PRKCE: variants seen among roughly 807,000 people sequenced by gnomAD.
The protein encoded by PRKCE is protein kinase C epsilon.
Under a neutral mutation model 85.4 loss-of-function variants are expected in PRKCE, and 16 were observed. The ratio of observed to expected loss-of-function variants is 0.19; its 90% CI spans 0.13 to 0.28. The LOEUF (loss-of-function observed/expected upper bound fraction) is 0.28. Among genes scored for constraint, PRKCE ranks in the 10% least tolerant of loss-of-function variants. The pLI, the probability that PRKCE is intolerant of heterozygous loss-of-function variation, is 1.00. For synonymous variants in PRKCE, 388 were observed against 371.5 expected (o/e 1.04, Z -0.51); for missense variants, 573 against 975.2 (o/e 0.59, Z 5.49).
intron 11 of PRKCE, among the ~76,000 whole-genome samples, chr2:46,101,070 A>G (rs890181659): frequency 3.9e-5 from 6 of 152,044 alleles, no homozygotes; most frequent in Admixed American, 6.6e-5. Flanking sequence ...GGGTTTCACT[A>G]TGTTTGCCAG....
intron 1 of PRKCE, chr2:45,840,604 C>G (rs923015250): frequency 1.1e-4 from 16 of 152,348 alleles, no homozygotes; most frequent in African/African-American, 3.6e-4. Context: ...GCTCGTGGCA[C>G]TCCCTCACTC....
At chr2:46,066,453 A>G (rs1374148611) in intron 10 of PRKCE, among the ~76,000 whole-genome samples, 1 of 152,080 alleles carries the variant, frequency 6.6e-6, no homozygotes, top group African/African-American at 2.4e-5. Flanking sequence ...TGATTTTCCC[A>G]TCTCCAGGGG....
chr2:46,153,412 AACAG>A (rs1676836090), intron 13 of PRKCE, among the ~76,000 whole-genome samples: 1 of 152,220 alleles, frequency 6.6e-6, no homozygotes. Flanking sequence ...TGAATAAATG[AACAG>A]ACAAATGACT....
chr2:45,945,457 A>G (rs897744220), intron 2 of PRKCE, among the ~76,000 whole-genome samples: 1 of 152,024 alleles, frequency 6.6e-6, no homozygotes, highest in Non-Finnish European at 1.5e-5. Flanking sequence ...CAAGCCATTC[A>G]TGAGGGATCC....
rs376689244 is a variant in PRKCE at position 46,041,710 on chromosome 2, A to T, written c.1437+31193A>T. Among the ~76,000 whole-genome samples the T allele has an allele frequency of 2.2e-4, 33 of 152,372 alleles. No homozygotes were observed. In the East Asian group the frequency reaches 5.0e-3, roughly 23 times the overall value. On this transcript the variant is annotated intron_variant, in intron 10 of 14. Transcript: ENST00000306156. This position sits in a 1 kb window ranked among gnomAD's most constrained non-coding sequence, Gnocchi z 5.5. The stretch of plus-strand genomic sequence containing the variant: ...AGTGTTTCCTTGTGAATACCTCTCC[A>T]TATGCGTCATGACAAAATACTGTAT...
chr2:45,780,710 C>T (rs146443414), intron 1 of PRKCE, among the ~76,000 whole-genome samples: 23 of 152,342 alleles, frequency 1.5e-4, no homozygotes, highest in Non-Finnish European at 2.9e-4. Context: ...GTGGCCCACC[C>T]AATCCCACCA....
chr2:46,032,168 A>G (rs1707568128), intron 10 of PRKCE, among the ~76,000 whole-genome samples: 1 of 152,180 alleles, frequency 6.6e-6, no homozygotes, highest in Non-Finnish European at 1.5e-5. Flanking sequence ...ATTGCTTTAC[A>G]AAGTCCTTTG....
intron 11 of PRKCE, among the ~76,000 whole-genome samples, chr2:46,103,692 G>T (rs1322619500): frequency 6.6e-6 from 1 of 152,184 alleles, no homozygotes; most frequent in Admixed American, 6.5e-5. Context: ...CCCATATTTT[G>T]TATGTTACAT....
At chr2:45,980,871 G>T in intron 5 of PRKCE, among the ~76,000 whole-genome samples, 1 of 152,208 alleles carries the variant, frequency 6.6e-6, no homozygotes, top group East Asian at 1.9e-4. Flanking sequence ...ACCGTGCCCT[G>T]ATTGAAGCAC....
rs1231195013 is a variant in PRKCE at position 46,140,760 on chromosome 2, C to T, written c.1593-4333C>T. 4.6e-5 allele frequency among the ~76,000 whole-genome samples: 7 copies of T among 152,018 alleles called. No homozygotes were observed. In the South Asian group the frequency reaches 1.5e-3, roughly 32 times the overall value. On this transcript the variant is annotated intron_variant, in intron 11 of 14. Coordinates refer to ENST00000306156, the MANE Select transcript of PRKCE (RefSeq NM_005400.3). Reference sequence around the variant, plus strand: ...AACAAAAAACTGGGATAAGTATTTGCAATTCTTATCTTCCTGTATGCCCTT... The same window carrying T: ...AACAAAAAACTGGGATAAGTATTTGTAATTCTTATCTTCCTGTATGCCCTT...
intron 1 of PRKCE, among the ~76,000 whole-genome samples, chr2:45,706,494 G>A (rs1363699894): frequency 6.6e-5 from 10 of 152,196 alleles, no homozygotes. Flanking sequence ...TTGTCAACCA[G>A]TCTTGACTGA....
intron 10 of PRKCE, among the ~76,000 whole-genome samples, chr2:46,035,491 C>G (rs1707799862): frequency 6.6e-6 from 1 of 152,242 alleles, no homozygotes; most frequent in Non-Finnish European, 1.5e-5. Flanking sequence ...CCATCCCCAC[C>G]TCATAACTCC....
At chr2:45,824,109 G>A (rs1468208280) in intron 1 of PRKCE, among the ~76,000 whole-genome samples, 1 of 152,238 alleles carries the variant, frequency 6.6e-6, no homozygotes, top group Non-Finnish European at 1.5e-5. Context: ...GCCCAGCATG[G>A]CTGTATGCAA....
intron 1 of PRKCE, among the ~76,000 whole-genome samples, chr2:45,703,007 G>T (rs1459498050): frequency 7.0e-6 from 1 of 141,932 alleles, no homozygotes; most frequent in East Asian, 2.1e-4. Context: ...AAGTTTTCTT[G>T]AGAAAGCCTT....
At chr2:45,745,043 A>C (rs1683027369) in intron 1 of PRKCE, among the ~76,000 whole-genome samples, 1 of 152,186 alleles carries the variant, frequency 6.6e-6, no homozygotes. Flanking sequence ...AACAGCCCTG[A>C]GTAGAATTTT....
At chr2:46,083,043 G>T (rs987563283) in intron 10 of PRKCE, among the ~76,000 whole-genome samples, 5 of 152,122 alleles carry the variant, frequency 3.3e-5, no homozygotes, top group African/African-American at 4.8e-5. Flanking sequence ...CACCTCCCGA[G>T]CTCAAATGAT....
At chr2:45,664,934 G>C (rs962845740) in intron 1 of PRKCE, among the ~76,000 whole-genome samples, 1 of 152,188 alleles carries the variant, frequency 6.6e-6, no homozygotes, top group Non-Finnish European at 1.5e-5. Flanking sequence ...CTCTAATGCA[G>C]TGCACACTGA....
chr2:45,701,218 A>C (rs1678614406), intron 1 of PRKCE, among the ~76,000 whole-genome samples: 1 of 152,166 alleles, frequency 6.6e-6, no homozygotes. Context: ...CTCTTGTCTC[A>C]TTGGGTAGAA....
intron 1 of PRKCE, among the ~76,000 whole-genome samples, chr2:45,788,107 G>A (rs189426363): frequency 6.6e-5 from 10 of 152,288 alleles, no homozygotes; most frequent in Middle Eastern, 3.4e-3. Context: ...TGGTCAAGCC[G>A]AAACTTTTCC....
Sources: allele counts gnomAD v4.1 joint callset (sites outside exome capture counted in the v4.1 genomes callset), GRCh38; gene constraint gnomAD v4.1.1; non-coding constraint Gnocchi (gnomAD v3.1); transcripts MANE v1.5; gene names NCBI Gene and HGNC (gene_info 2026-07-23, HGNC 2026-07-21).